Variants in SLCO2A1 observed in about 807,000 individuals in gnomAD.
SLCO2A1 encodes solute carrier organic anion transporter family member 2A1.
Under a neutral mutation model 71.7 loss-of-function variants are expected in SLCO2A1, and 60 were observed. The observed-to-expected ratio is 0.84, with a 90% confidence interval of 0.68 to 1.04. The LOEUF (loss-of-function observed/expected upper bound fraction) is 1.04. Ranked by LOEUF, SLCO2A1 falls within the 50% of genes least tolerant of loss-of-function variation. The pLI is 0.00. For missense variants in SLCO2A1, 745 were observed against 813.4 expected, an observed-to-expected ratio of 0.92 and a Z score of 1.02; for synonymous variants, 308 against 326.7, an observed-to-expected ratio of 0.94 and a Z score of 0.62.
intron 1 of SLCO2A1, among the ~76,000 whole-genome samples, chr3:133,997,468 T>C (rs900856985): frequency 6.6e-6 from 1 of 152,220 alleles, no homozygotes; most frequent in Admixed American, 6.5e-5. Flanking sequence ...TTGCCTGGCA[T>C]TCTTACAAAA....
intron 1 of SLCO2A1, among the ~76,000 whole-genome samples, chr3:134,019,664 A>G (rs1935528618): frequency 6.6e-6 from 1 of 152,174 alleles, no homozygotes. Context: ...TGAGGCCCTG[A>G]AAAGGTGAGA....
chr3:133,979,700 A>G, intron 1 of SLCO2A1, 82 bp from the exon 2 acceptor site: 1 of 1,479,014 alleles, frequency 6.8e-7, no homozygotes, highest in African/African-American at 1.4e-5. Flanking sequence ...GGGCCCCGGC[A>G]GGCTGACCTC....
chr3:134,023,117 C>G (rs1209750089), intron 1 of SLCO2A1, among the ~76,000 whole-genome samples: 1 of 134,190 alleles, frequency 7.5e-6, no homozygotes, highest in African/African-American at 2.6e-5. Context: ...GCTGTTCATA[C>G]AGCAAAACAA....
chr3:134,028,759 T>C (rs991366813), intron 1 of SLCO2A1, among the ~76,000 whole-genome samples: 1 of 152,236 alleles, frequency 6.6e-6, no homozygotes, highest in Non-Finnish European at 1.5e-5. Context: ...ATGCAGTCTC[T>C]GCAGTCTCCC....
chr3:133,968,599 C>A (rs1934247070), intron 3 of SLCO2A1, among the ~76,000 whole-genome samples: 1 of 152,254 alleles, frequency 6.6e-6, no homozygotes. Flanking sequence ...CCCTGCCCCT[C>A]CTTAACCTCC....
chr3:133,969,950 C>T (rs1934286268), intron 3 of SLCO2A1, among the ~76,000 whole-genome samples: 1 of 152,130 alleles, frequency 6.6e-6, no homozygotes, highest in Non-Finnish European at 1.5e-5. Flanking sequence ...TAAGGACTCA[C>T]ATGTGAGGAT....
intron 1 of SLCO2A1, among the ~76,000 whole-genome samples, chr3:134,003,216 G>C (rs1935138269): frequency 6.6e-6 from 1 of 152,246 alleles, no homozygotes; most frequent in African/African-American, 2.4e-5. Flanking sequence ...GATGAGGAAA[G>C]ATTAGCTAAG....
At chr3:134,023,485 T>C (rs932334973) in intron 1 of SLCO2A1, among the ~76,000 whole-genome samples, 1 of 152,194 alleles carries the variant, frequency 6.6e-6, no homozygotes, top group Non-Finnish European at 1.5e-5. Context: ...AGTAGGACCA[T>C]TTAATCTGGG....
intron 1 of SLCO2A1, among the ~76,000 whole-genome samples, chr3:134,011,756 C>T (rs1012367931): frequency 6.6e-6 from 1 of 152,238 alleles, no homozygotes; most frequent in Non-Finnish European, 1.5e-5. Context: ...CAGTGAGCCC[C>T]TTTTCTACTT....
intron 3 of SLCO2A1, among the ~76,000 whole-genome samples, chr3:133,970,184 C>T (rs1367329750): frequency 6.6e-6 from 1 of 152,228 alleles, no homozygotes; most frequent in Non-Finnish European, 1.5e-5. Flanking sequence ...CAAAAGCCAC[C>T]ACTTAGTGAT....
In SLCO2A1 at chr3:134,029,813, G is replaced by T. The variant is rs1031929476; in HGVS notation, c.-11C>A. The T allele has an allele frequency of 1.4e-6, 2 of 1,413,130 alleles. No individual in the cohort carries two copies. Among genetic ancestry groups the T allele is most frequent in the African/African-American group, 3.0e-5 (2 of 66,972 alleles). The allele number at this position is 1,413,130 out of a possible 1,614,324, so 87.5% of individuals were successfully genotyped here. On this transcript the variant is annotated 5_prime_UTR_variant, in exon 1 of 14. Coordinates refer to ENST00000310926, the MANE Select transcript of SLCO2A1 (RefSeq NM_005630.3). ...GGGCAGGAGCCCCATGGCTGCGGGC[G>T]GCTGGCCGGGCGCGGAGTGGCGCGG...
At position 133,951,274 on chromosome 3, in the gene SLCO2A1, TG is replaced by T. The variant is rs1336014764; in HGVS notation, c.794del (p.Ser265Ter). 1 of 1,614,048 alleles carries T rather than the reference TG, an allele frequency of 6.2e-7. No homozygotes were observed. The part of the protein sequence containing the change: ...GAWWLGLLIS[S>X]ALLVLTSFPF... ...GGAAAGAGGTGAGAACCAATAAAGC[TG>T]AAGAAATGAGCAGGCCTAGCCACCA... On this transcript the variant is annotated frameshift_variant, in exon 6 of 14. Transcript: ENST00000310926. LOFTEE classifies it high-confidence loss of function.
chr3:133,948,436 T>C, intron 8 of SLCO2A1, 100 bp downstream of exon 8: 11 of 1,256,224 alleles, frequency 8.8e-6, no homozygotes, highest in Middle Eastern at 2.2e-4. Context: ...ACCCTGCCTA[T>C]GTCCGGTCTG....
rs1386696161 is a variant in SLCO2A1, at chr3:134,013,244, C to G, written c.96+16463G>C. Among the ~76,000 whole-genome samples the G allele has an allele frequency of 3.9e-5, 6 of 152,118 alleles. No individual in the cohort carries two copies. In the East Asian group the frequency reaches 1.2e-3, roughly 29 times the overall value. On this transcript the variant is annotated intron_variant, in intron 1 of 13. Coordinates refer to ENST00000310926, the MANE Select transcript of SLCO2A1 (RefSeq NM_005630.3). ...TCAGTCTCAGCTCCCAGACACATAC[C>G]CCAAATACACTGTAAATCAAAGTTA...
rs987345660 is a variant in SLCO2A1, at chr3:133,977,084, A to G, written c.234+2397T>C. Among the ~76,000 whole-genome samples the G allele has an allele frequency of 3.9e-5, 6 of 152,084 alleles. No individual in the cohort carries two copies. The South Asian group carries it at 8.3e-4, about 21-fold the overall frequency. On this transcript the variant is annotated intron_variant, in intron 2 of 13. Coordinates refer to ENST00000310926, the MANE Select transcript of SLCO2A1 (RefSeq NM_005630.3). ...TTGCACCAGGCCGGGCTCTCTTCTC[A>G]CATCCCCCCTAGCCTTCAGGCATAT...
chr3:133,985,648 C>T (rs1490179630), intron 1 of SLCO2A1, among the ~76,000 whole-genome samples: 1 of 152,220 alleles, frequency 6.6e-6, no homozygotes, highest in Non-Finnish European at 1.5e-5. Context: ...CATTTCCTCC[C>T]ACCAGAATAT....
intron 1 of SLCO2A1, among the ~76,000 whole-genome samples, chr3:134,027,721 C>T (rs1263572940): frequency 6.6e-6 from 1 of 152,218 alleles, no homozygotes; most frequent in Non-Finnish European, 1.5e-5. Context: ...CAAGCACTCT[C>T]ATTGGGAGGA....
intron 12 of SLCO2A1, among the ~76,000 whole-genome samples, chr3:133,937,902 C>A (rs552646804): frequency 6.6e-6 from 1 of 152,230 alleles, no homozygotes; most frequent in African/African-American, 2.4e-5. Flanking sequence ...AGCTCGCTCT[C>A]CCCTGGGGCA....
intron 3 of SLCO2A1, among the ~76,000 whole-genome samples, chr3:133,971,997 G>C (rs1161665802): frequency 1.3e-5 from 2 of 152,130 alleles, no homozygotes; most frequent in African/African-American, 4.8e-5. Flanking sequence ...ACTCAAGGAG[G>C]TAATCCACCA....
Sources: allele counts gnomAD v4.1 joint callset (sites outside exome capture counted in the v4.1 genomes callset), GRCh38; gene constraint gnomAD v4.1.1; transcripts MANE v1.5; gene names NCBI Gene and HGNC (gene_info 2026-07-23, HGNC 2026-07-21).